Variants in PITPNM2 observed in about 807,000 individuals in gnomAD.
PITPNM2 encodes phosphatidylinositol transfer protein membrane associated 2, also known as membrane-associated phosphatidylinositol transfer protein 2.
In PITPNM2, 35 loss-of-function variants were observed where a neutral mutation model predicts 132.2. The ratio of observed to expected loss-of-function variants is 0.26; its 90% CI spans 0.20 to 0.35. PITPNM2 has a LOEUF of 0.35. PITPNM2 is among the 10% of genes least tolerant of loss of function. The pLI, the probability that PITPNM2 is intolerant of heterozygous loss-of-function variation, is 1.00. For missense variants in PITPNM2, 1,332 were observed against 1,912.0 expected (o/e 0.70, Z 5.66); for synonymous variants, 738 against 799.2 (o/e 0.92, Z 1.29).
rs1335663515 is a variant in PITPNM2, at chr12:122,984,640, ACT to A, written c.*1385_*1386del. Reference sequence around the variant, plus strand: ...CTACACACGGGAAAAAGTTAACATCACTCTGTGCACCTCCCCAGCCCGGTCCA... The same window carrying A: ...CTACACACGGGAAAAAGTTAACATCACTGTGCACCTCCCCAGCCCGGTCCA... On this transcript the variant is annotated 3_prime_UTR_variant, in exon 26 of 26. Transcript: ENST00000320201. 3.3e-5 allele frequency: 5 copies of A among 151,504 alleles called. No homozygotes were observed. Among genetic ancestry groups the A allele is most frequent in the African/African-American group, 1.2e-4 (5 of 41,134 alleles). 9.4% of individuals were successfully genotyped at this position (151,504 alleles called of 1,614,324 possible).
intron 2 of PITPNM2, chr12:123,089,499 G>A (rs1012950948): frequency 7.9e-5 from 12 of 152,134 alleles, no homozygotes; most frequent in African/African-American, 2.9e-4. Context: ...CCAGTGGTGA[G>A]AAAAAAGCAA....
rs554944954 is a variant in PITPNM2, at chr12:123,098,742, G to A, written c.-96+11643C>T. Among the ~76,000 whole-genome samples the A allele has an allele frequency of 2.6e-5, 4 of 152,200 alleles. No homozygotes were observed. In the East Asian group the frequency reaches 7.7e-4, roughly 29 times the overall value. ...ACAGAGACAGCCACAAGGTTGGCGAGTGAGTCCCCCGAATCCCACGGGCTC... is the reference window on the plus strand; with the variant it reads ...ACAGAGACAGCCACAAGGTTGGCGAATGAGTCCCCCGAATCCCACGGGCTC... On this transcript the variant is annotated intron_variant, in intron 2 of 25. Transcript: ENST00000320201.
chr12:123,074,117 A>G (rs7487501), intron 2 of PITPNM2, among the ~76,000 whole-genome samples: 1 of 152,222 alleles, frequency 6.6e-6, no homozygotes. Flanking sequence ...CCAAGGATCC[A>G]AGTTCTGGTT....
Position 123,001,056 on chromosome 12 carries a change from T to C in PITPNM2, c.1151A>G (p.Gln384Arg), listed in dbSNP as rs543881551. 1.7e-5 allele frequency: 27 copies of C among 1,613,362 alleles called. No homozygotes were observed. Among genetic ancestry groups the C allele is most frequent in the Non-Finnish European group, 2.2e-5 (26 of 1,179,310 alleles). Residue 384 changes from glutamine (Q) to arginine (R), a missense_variant and splice_region_variant, in exon 9 of 26, where the codon CAA becomes CGA. Coordinates refer to ENST00000320201, the MANE Select transcript of PITPNM2 (RefSeq NM_020845.3). ...KIESPEPEDT[Q>R]DGLYRQGAPE... ...GCAGCACCCCCAGACCTGCTGACCT[T>C]GTGTGTCTTCCGGCTCTGGGCTCTC... is the stretch of plus-strand genomic sequence containing the variant.
chr12:123,101,780 C>T (rs907392399), intron 2 of PITPNM2, among the ~76,000 whole-genome samples: 8 of 152,134 alleles, frequency 5.3e-5, no homozygotes, highest in South Asian at 2.1e-4. Flanking sequence ...ACCACCAGTC[C>T]GGCATGGTGG....
intron 2 of PITPNM2, among the ~76,000 whole-genome samples, chr12:123,076,891 G>T (rs1201856985): frequency 1.3e-5 from 2 of 152,128 alleles, no homozygotes; most frequent in African/African-American, 2.4e-5. Flanking sequence ...AGCTGTTCTT[G>T]TTGACAACCA....
intron 2 of PITPNM2, among the ~76,000 whole-genome samples, chr12:123,044,090 C>T (rs762891386): frequency 1.3e-5 from 2 of 152,142 alleles, no homozygotes; most frequent in African/African-American, 4.8e-5. Context: ...TAAGACTGGG[C>T]CCTTAAACAA....
chr12:123,037,797 G>A (rs1280296918), intron 2 of PITPNM2, among the ~76,000 whole-genome samples: 1 of 152,204 alleles, frequency 6.6e-6, no homozygotes, highest in Non-Finnish European at 1.5e-5. Context: ...TAACAACCAG[G>A]GGTGAAATCT....
chr12:123,007,810 T>C (rs759178114), intron 6 of PITPNM2, among the ~76,000 whole-genome samples: 1 of 152,106 alleles, frequency 6.6e-6, no homozygotes, highest in Non-Finnish European at 1.5e-5. Flanking sequence ...GGCTGGGACA[T>C]GCACTACATC....
chr12:122,987,320 C>T lies in PITPNM2; in HGVS notation c.3374G>A (p.Ser1125Asn), dbSNP rs763930984. The T allele has an allele frequency of 6.2e-7, 1 of 1,612,166 alleles. No homozygotes were observed. Among genetic ancestry groups the T allele is most frequent in the South Asian group, 1.1e-5 (1 of 91,022 alleles). ...GGCCCCGGCCCGCACCTTGGGGTCG[C>T]TGCCCATGATGGACACGCTAGCGGC... Reference protein sequence around the residue: ...SFAASVSIMGSDPKVRAGAVD... With the variant: ...SFAASVSIMGNDPKVRAGAVD... The change falls in exon 23 of 26, where the codon AGC becomes AAC. Residue 1125 changes from serine to asparagine, a missense_variant. Ser to Asn is a conservative substitution (Grantham distance 46, BLOSUM62 1). This residue lies in a region of PITPNM2 where 251 missense variants were observed against 472.0 expected (regional missense o/e 0.53). Transcript: ENST00000320201.
intron 2 of PITPNM2, among the ~76,000 whole-genome samples, chr12:123,055,638 G>A (rs1396285284): frequency 6.6e-6 from 1 of 152,216 alleles, no homozygotes; most frequent in African/African-American, 2.4e-5. Context: ...TCACACATCA[G>A]TAGACTTGGC....
At chr12:123,134,956 T>C (rs2043344930) in intron 1 of PITPNM2, among the ~76,000 whole-genome samples, 1 of 152,166 alleles carries the variant, frequency 6.6e-6, no homozygotes, top group Non-Finnish European at 1.5e-5. Flanking sequence ...CTGTAGCTGG[T>C]GGGCCTAGCA....
rs898002444 is a variant in PITPNM2 at position 123,083,165 on chromosome 12, G to C, written c.-96+27220C>G. 6.6e-6 allele frequency: 1 copy of C among 152,122 alleles called. No individual in the cohort carries two copies. Among genetic ancestry groups the C allele is most frequent in the African/African-American group, 2.4e-5 (1 of 41,428 alleles). The allele number at this position is 152,122 out of a possible 1,614,324, so 9.4% of individuals were successfully genotyped here. On this transcript the variant is annotated intron_variant, in intron 2 of 25. Coordinates refer to ENST00000320201, the MANE Select transcript of PITPNM2 (RefSeq NM_020845.3). This position sits in a 1 kb window ranked among gnomAD's most constrained non-coding sequence, Gnocchi z 4.5. ...CCAGGAGTTTGAGCCCAGCCCCCTT[G>C]GGCAACATAGTGAGACCCCATCTCT... is the stretch of plus-strand genomic sequence containing the variant.
At chr12:123,070,532 C>G (rs1374841818) in intron 2 of PITPNM2, among the ~76,000 whole-genome samples, 1 of 152,156 alleles carries the variant, frequency 6.6e-6, no homozygotes, top group Non-Finnish European at 1.5e-5. Flanking sequence ...CCGGGCAGCC[C>G]AGAGGAACAT....
intron 4 of PITPNM2, 110 bp downstream of exon 4, chr12:123,013,718 G>T: frequency 1.6e-6 from 2 of 1,265,582 alleles, no homozygotes; most frequent in Non-Finnish European, 2.2e-6. Context: ...GTTATGGGTT[G>T]TTGAACCTGC....
chr12:122,989,885 G>GGGGGC lies in PITPNM2; in HGVS notation c.2632_2633insGCCCC (p.Ala878GlyfsTer83). 6 of 1,077,330 alleles carry GGGGGC rather than the reference G, an allele frequency of 5.6e-6. No homozygotes were observed. The highest frequency in any genetic ancestry group is 7.4e-6 in the Non-Finnish European group (6 of 807,226). The allele number at this position is 1,077,330 out of a possible 1,614,324, so 66.7% of individuals were successfully genotyped here. A position where few individuals can be genotyped will look rare whatever the true frequency, so the allele number is the denominator to read the frequency against. The stretch of plus-strand genomic sequence containing the variant: ...GGGGCCAGGGGTGGTGGGGCTGGGG[G>GGGGGC]CGGGCAGGGCGAGCAGGGACAGACG... On this transcript the variant is annotated frameshift_variant, in exon 18 of 26. Transcript: ENST00000320201. LOFTEE classifies it high-confidence loss of function.
intron 2 of PITPNM2, among the ~76,000 whole-genome samples, chr12:123,068,455 T>C (rs991266903): frequency 4.1e-4 from 60 of 147,230 alleles, no homozygotes; most frequent in African/African-American, 1.3e-3. Context: ...CTCCAAAAAA[T>C]AATAAATAAA....
chr12:123,015,969 G>A (rs1187456903), intron 3 of PITPNM2, among the ~76,000 whole-genome samples: 1 of 152,122 alleles, frequency 6.6e-6, no homozygotes, highest in African/African-American at 2.4e-5. Context: ...GAAGATATAC[G>A]AATGGCCAAT....
At chr12:123,143,130 C>T (rs564747973) in intron 1 of PITPNM2, among the ~76,000 whole-genome samples, 1 of 146,028 alleles carries the variant, frequency 6.8e-6, no homozygotes, top group Non-Finnish European at 1.5e-5. Flanking sequence ...CCCCTCCCCC[C>T]TCCCTCGATC....
Sources: gnomAD v4.1 joint callset for allele counts (sites outside exome capture counted in the v4.1 genomes callset) on GRCh38, gnomAD v4.1.1 for gene constraint, gnomAD v4.1.1 regional missense constraint, Gnocchi (gnomAD v3.1) non-coding constraint, MANE v1.5 for transcripts, NCBI Gene and HGNC (gene_info 2026-07-23, HGNC 2026-07-21) for gene names.